The following DMXL2 variants were observed in gnomAD, a reference collection of about 807,000 sequenced individuals.
DMXL2 encodes the protein dmX-like protein 2.
A neutral mutation model predicts 331.1 loss-of-function variants in DMXL2; 103 were observed. That is an observed-to-expected ratio of 0.31 (90% confidence interval 0.27 to 0.37). The LOEUF is 0.37. Ranked by LOEUF, DMXL2 falls within the 10% of genes least tolerant of loss-of-function variation. DMXL2 has a pLI of 1.00. For synonymous variants in DMXL2, 1,281 were observed against 1,252.1 expected, an observed-to-expected ratio of 1.02 and a Z score of -0.49; for missense variants, 3,171 against 3,642.9, an observed-to-expected ratio of 0.87 and a Z score of 3.33.
At chr15:51,556,405 A>G (rs1423064124) in intron 6 of DMXL2, among the ~76,000 whole-genome samples, 2 of 150,842 alleles carry the variant, frequency 1.3e-5, no homozygotes, top group Non-Finnish European at 3.0e-5. Context: ...AGGATAACAC[A>G]TTATAATGAA....
chr15:51,457,311 A>AT lies in DMXL2; in HGVS notation c.8337+16dup, dbSNP rs762559929. The stretch of plus-strand genomic sequence containing the variant: ...GAGTCCAAATCCAGAAATGATACCT[A>AT]TAAGTAAATAACATACCACACTAGC... On this transcript the variant is annotated intron_variant, in intron 37 of 43. Transcript: ENST00000560891. 6.2e-7 allele frequency: 1 copy of AT among 1,608,590 alleles called. No homozygotes were observed. Among genetic ancestry groups the AT allele is most frequent in the South Asian group, 1.1e-5 (1 of 89,794 alleles).
intron 15 of DMXL2, 27 bp downstream of exon 15, chr15:51,514,415 C>T: frequency 7.6e-7 from 1 of 1,312,912 alleles, no homozygotes; most frequent in Non-Finnish European, 1.1e-6. Flanking sequence ...TGAAGGTAAA[C>T]AAATGCAGAC....
intron 2 of DMXL2, among the ~76,000 whole-genome samples, chr15:51,573,281 A>G (rs1324538768): frequency 6.6e-6 from 1 of 152,262 alleles, no homozygotes; most frequent in Non-Finnish European, 1.5e-5. Flanking sequence ...TGTGTAAGAC[A>G]GTGTGGGAAT....
chr15:51,546,812 T>C (rs1280647119), intron 7 of DMXL2, among the ~76,000 whole-genome samples: 1 of 152,124 alleles, frequency 6.6e-6, no homozygotes, highest in East Asian at 1.9e-4. Flanking sequence ...ATATACATAA[T>C]TGACATAATA....
intron 32 of DMXL2, 76 bp from the exon 33 acceptor site, chr15:51,463,572 A>C: frequency 2.3e-6 from 2 of 880,700 alleles, no homozygotes; most frequent in South Asian, 3.9e-5. Flanking sequence ...ATTTATTTTT[A>C]AAACCTTCAC....
chr15:51,482,190 G>T (rs1049889348), intron 23 of DMXL2, among the ~76,000 whole-genome samples: 1 of 152,078 alleles, frequency 6.6e-6, no homozygotes, highest in Middle Eastern at 3.2e-3. Flanking sequence ...TAATCACACA[G>T]AGATGAACTC....
chr15:51,621,444 G>A (rs1444267839), intron 1 of DMXL2, among the ~76,000 whole-genome samples: 1 of 152,162 alleles, frequency 6.6e-6, no homozygotes, highest in Non-Finnish European at 1.5e-5. Context: ...GTTTTATCAA[G>A]AAGAACAGTT....
intron 1 of DMXL2, among the ~76,000 whole-genome samples, chr15:51,620,892 G>T (rs546857629): frequency 6.6e-6 from 1 of 152,132 alleles, no homozygotes; most frequent in Non-Finnish European, 1.5e-5. Flanking sequence ...ATCTGAACCC[G>T]TTTATTTAGT....
At chr15:51,528,801 G>A (rs2047832834) in intron 13 of DMXL2, among the ~76,000 whole-genome samples, 1 of 151,480 alleles carries the variant, frequency 6.6e-6, no homozygotes, top group Admixed American at 6.6e-5. Context: ...AACAGCTACA[G>A]AATATACATT....
rs1467969709 is a variant in DMXL2 at position 51,533,967 on chromosome 15, T to C, written c.2436+1696A>G. On this transcript the variant is annotated intron_variant, in intron 13 of 43. Coordinates refer to ENST00000560891, the MANE Select transcript of DMXL2 (RefSeq NM_001378457.1). ...CCAGATTCAAAAAGATACTGAGAGATTGGACTGTTTAGTTGTGCTTAGCAA... is the reference window on the plus strand; with the variant it reads ...CCAGATTCAAAAAGATACTGAGAGACTGGACTGTTTAGTTGTGCTTAGCAA... 5.3e-5 allele frequency among the ~76,000 whole-genome samples: 8 copies of C among 152,044 alleles called. 1 individual carries two copies. The South Asian group carries it at 6.2e-4, about 12-fold the overall frequency.
chr15:51,480,281 T>A (rs1279436313), intron 24 of DMXL2, 142 bp from the exon 25 acceptor site: 2 of 889,886 alleles, frequency 2.2e-6, no homozygotes, highest in African/African-American at 3.4e-5. Flanking sequence ...GCACCCAGTA[T>A]GTACCAGGTA....
At chr15:51,463,931 T>C (rs1260927541) in intron 32 of DMXL2, among the ~76,000 whole-genome samples, 1 of 151,870 alleles carries the variant, frequency 6.6e-6, no homozygotes, top group Non-Finnish European at 1.5e-5. Flanking sequence ...CAGGGTCCAC[T>C]ACCTCAAAAA....
intron 13 of DMXL2, among the ~76,000 whole-genome samples, chr15:51,534,030 C>T (rs931177800): frequency 2.0e-5 from 3 of 152,094 alleles, no homozygotes; most frequent in Non-Finnish European, 4.4e-5. Flanking sequence ...TACATTTGGA[C>T]CCCAAATCCA....
rs954729334 is a variant in DMXL2 at position 51,447,961 on chromosome 15, C to T, written c.*1023G>A. On this transcript the variant is annotated 3_prime_UTR_variant, in exon 44 of 44. Transcript: ENST00000560891. ...GCTGGTAAACATTTAAACACACAGA[C>T]ATTAGTTTCAGTATCTCAACATATT... 4 of 152,604 alleles carry T rather than the reference C, an allele frequency of 2.6e-5. No homozygotes were observed. Among genetic ancestry groups the T allele is most frequent in the East Asian group, 1.9e-4 (1 of 5,202 alleles). 9.5% of individuals were successfully genotyped at this position (152,604 alleles called of 1,614,324 possible).
intron 1 of DMXL2, among the ~76,000 whole-genome samples, chr15:51,587,303 T>C (rs1416397375): frequency 2.0e-5 from 3 of 152,184 alleles, no homozygotes; most frequent in African/African-American, 7.2e-5. Flanking sequence ...TATCTCCTAA[T>C]GCTATCCCTC....
intron 19 of DMXL2, 151 bp downstream of exon 19, chr15:51,494,873 G>GT: frequency 2.0e-6 from 1 of 496,824 alleles, no homozygotes; most frequent in Non-Finnish European, 3.6e-6. Context: ...TAGAAAAATG[G>GT]TAAGTGGGTA....
chr15:51,539,436 G>A lies in DMXL2; in HGVS notation c.1106-984C>T, dbSNP rs184232890. ...TAAAATCAAGAAAAAAACACAAGAAGGCAGGCAAAATTCTAAGTATAAGAT... is the reference window on the plus strand; with the variant it reads ...TAAAATCAAGAAAAAAACACAAGAAAGCAGGCAAAATTCTAAGTATAAGAT... On this transcript the variant is annotated intron_variant, in intron 9 of 43. Coordinates refer to ENST00000560891, the MANE Select transcript of DMXL2 (RefSeq NM_001378457.1). 8.2e-3 allele frequency among the ~76,000 whole-genome samples: 1,242 copies of A among 152,146 alleles called. 5 individuals are homozygous for A. Among genetic ancestry groups the A allele is most frequent in the Non-Finnish European group, 0.013 (916 of 68,004 alleles).
At chr15:51,515,794 A>C (rs530894452) in intron 14 of DMXL2, among the ~76,000 whole-genome samples, 35 of 152,272 alleles carry the variant, frequency 2.3e-4, no homozygotes, top group Non-Finnish European at 2.6e-4. Flanking sequence ...AATGAGTGCA[A>C]AGGAGGCTAA....
intron 1 of DMXL2, among the ~76,000 whole-genome samples, chr15:51,608,441 T>C (rs2053739675): frequency 6.6e-6 from 1 of 152,180 alleles, no homozygotes; most frequent in African/African-American, 2.4e-5. Context: ...ATCATGTCCT[T>C]TGCAAGAACA....
Sources: allele counts gnomAD v4.1 joint callset (sites outside exome capture counted in the v4.1 genomes callset), GRCh38; gene constraint gnomAD v4.1.1; transcripts MANE v1.5; gene names NCBI Gene and HGNC (gene_info 2026-07-23, HGNC 2026-07-21).